The following PTPRN2 variants were observed in gnomAD, a reference collection of about 807,000 sequenced individuals.
The protein encoded by PTPRN2 is receptor-type tyrosine-protein phosphatase N2.
In PTPRN2, 74 loss-of-function variants were observed where a neutral mutation model predicts 118.8. The observed-to-expected ratio is 0.62, with a 90% CI of 0.52 to 0.76. The LOEUF is 0.76. PTPRN2 is among the 30% of genes least tolerant of loss of function. PTPRN2 has a pLI of 0.00. For synonymous variants in PTPRN2, 641 were observed against 608.0 expected, an observed-to-expected ratio of 1.05 and a Z score of -0.80; for missense variants, 1,481 against 1,394.4, an observed-to-expected ratio of 1.06 and a Z score of -0.99.
At chr7:158,256,763 T>C (rs1283952894) in intron 3 of PTPRN2, among the ~76,000 whole-genome samples, 1 of 152,162 alleles carries the variant, frequency 6.6e-6, no homozygotes, top group Non-Finnish European at 1.5e-5. Context: ...AGGAAGTTTA[T>C]GGAATGATTC....
At chr7:158,383,122 A>G (rs886973058) in intron 2 of PTPRN2, among the ~76,000 whole-genome samples, 2 of 152,152 alleles carry the variant, frequency 1.3e-5, no homozygotes, top group Non-Finnish European at 2.9e-5. Context: ...CTATTAACAC[A>G]TGAGGGGCCC....
chr7:157,805,757 C>T (rs1805591488), intron 12 of PTPRN2, among the ~76,000 whole-genome samples: 1 of 152,178 alleles, frequency 6.6e-6, no homozygotes, highest in African/African-American at 2.4e-5. Context: ...CAAAGCAGAA[C>T]AGAAGCAATT....
chr7:158,014,161 T>C (rs1313019115), intron 11 of PTPRN2, among the ~76,000 whole-genome samples: 1 of 141,360 alleles, frequency 7.1e-6, no homozygotes, highest in Non-Finnish European at 1.5e-5. Context: ...CCAACTCACC[T>C]ATTCATCCAT....
In PTPRN2 at chr7:157,690,922, G is replaced by A. The variant is rs1485117397; in HGVS notation, c.1789-7985C>T. On this transcript the variant is annotated intron_variant, in intron 12 of 22. Coordinates refer to ENST00000389418, the MANE Select transcript of PTPRN2 (RefSeq NM_002847.5). The surrounding 1 kb of genome is among the most constrained non-coding windows in gnomAD (Gnocchi z 7.1). Reference sequence around the variant, plus strand: ...CGCGGCGCGGGCGGGCTCAGGGCGGGCTCCGGACGGTCCCGGTAGGGCCGC... The same window carrying A: ...CGCGGCGCGGGCGGGCTCAGGGCGGACTCCGGACGGTCCCGGTAGGGCCGC... Among the ~76,000 whole-genome samples the A allele has an allele frequency of 1.4e-5, 2 of 145,768 alleles. No individual in the cohort carries two copies. The highest frequency in any genetic ancestry group is 3.0e-5 in the Non-Finnish European group (2 of 65,578).
At chr7:158,071,033 CTTAGTATGGAGGTGCT>C (rs1563388985) in intron 11 of PTPRN2, among the ~76,000 whole-genome samples, 12 of 47,454 alleles carry the variant, frequency 2.5e-4, no homozygotes, top group African/African-American at 1.3e-3. Context: ...TGGAGGTGCT[CTTAGTATGGAGGTGCT>C]CATGGTGGTG....
intron 22 of PTPRN2, among the ~76,000 whole-genome samples, chr7:157,545,119 T>G (rs576577317): frequency 4.6e-4 from 63 of 136,924 alleles, no homozygotes; most frequent in African/African-American, 1.6e-3. Context: ...TAGGTGTGTG[T>G]GGGGTGTATG....
intron 2 of PTPRN2, among the ~76,000 whole-genome samples, chr7:158,418,801 G>A (rs1026416161): frequency 4.6e-5 from 7 of 150,982 alleles, no homozygotes; most frequent in East Asian, 2.0e-4. Flanking sequence ...GTACTACATC[G>A]AGATGCTCCA....
At chr7:158,184,925 T>C (rs1253002612) in intron 5 of PTPRN2, among the ~76,000 whole-genome samples, 3 of 152,220 alleles carry the variant, frequency 2.0e-5, no homozygotes, top group Non-Finnish European at 4.4e-5. Context: ...CACCAGTTGA[T>C]GTAATCTTAG....
chr7:157,828,067 C>T (rs932263096), intron 12 of PTPRN2, among the ~76,000 whole-genome samples: 4 of 152,298 alleles, frequency 2.6e-5, no homozygotes, highest in East Asian at 1.9e-4. Flanking sequence ...AAGTACATTT[C>T]GTAAGTTCTG....
At chr7:158,568,111 G>A (rs1041499112) in intron 1 of PTPRN2, among the ~76,000 whole-genome samples, 11 of 152,064 alleles carry the variant, frequency 7.2e-5, no homozygotes, top group Non-Finnish European at 1.3e-4. Flanking sequence ...AAATTAGCTG[G>A]GTGTGGTGGT....
chr7:158,193,696 GC>G (rs1825963706), intron 4 of PTPRN2, among the ~76,000 whole-genome samples: 1 of 152,064 alleles, frequency 6.6e-6, no homozygotes, highest in Non-Finnish European at 1.5e-5. Context: ...CGCAGACTCT[GC>G]CGCTGGTCTC....
chr7:157,687,452 C>T (rs189924344), intron 12 of PTPRN2, among the ~76,000 whole-genome samples: 43 of 152,274 alleles, frequency 2.8e-4, no homozygotes, highest in African/African-American at 9.6e-4. Context: ...ATCATAAAGA[C>T]GTAGGGATAC....
chr7:158,430,591 A>G (rs946037667), intron 2 of PTPRN2, among the ~76,000 whole-genome samples: 17 of 152,212 alleles, frequency 1.1e-4, no homozygotes, highest in Admixed American at 8.5e-4. Flanking sequence ...CCTAATTGAC[A>G]GGGAACATTT....
In PTPRN2 at chr7:157,774,112, G is replaced by A. The variant is rs919002257; in HGVS notation, c.1789-91175C>T. Among the ~76,000 whole-genome samples, 4 of 152,224 alleles carry A rather than the reference G, an allele frequency of 2.6e-5. No individual in the cohort carries two copies. The South Asian group carries it at 8.3e-4, about 32-fold the overall frequency. On this transcript the variant is annotated intron_variant, in intron 12 of 22. Coordinates refer to ENST00000389418, the MANE Select transcript of PTPRN2 (RefSeq NM_002847.5). ...ACACGGACCTACTTACTAGGAGCTG[G>A]CTACGGATGGGGCTGTGAGCTCCCT...
At chr7:158,046,549 G>A (rs940542848) in intron 11 of PTPRN2, among the ~76,000 whole-genome samples, 7 of 152,216 alleles carry the variant, frequency 4.6e-5, no homozygotes, top group African/African-American at 1.7e-4. Context: ...TTCTCATGTG[G>A]CAGGTTCTCA....
intron 14 of PTPRN2, among the ~76,000 whole-genome samples, chr7:157,649,394 C>G: frequency 9.8e-6 from 1 of 101,882 alleles, no homozygotes; most frequent in South Asian, 4.2e-4. Flanking sequence ...ACCCATCCAG[C>G]GTGCACTGAA....
intron 2 of PTPRN2, among the ~76,000 whole-genome samples, chr7:158,477,114 G>A (rs532854831): frequency 2.6e-4 from 40 of 152,336 alleles, no homozygotes; most frequent in Middle Eastern, 3.4e-3. Context: ...CCAGTCACAC[G>A]GAGTGATGCG....
chr7:158,161,438 A>C (rs548731970), intron 6 of PTPRN2, among the ~76,000 whole-genome samples: 5 of 152,328 alleles, frequency 3.3e-5, no homozygotes, highest in Non-Finnish European at 7.3e-5. Context: ...GTCCACATAC[A>C]TGAGGTCAGC....
At chr7:157,679,817 C>T (rs917397) in intron 13 of PTPRN2, among the ~76,000 whole-genome samples, 63,994 of 151,972 alleles carry the variant, frequency 0.42, 14,592 homozygotes, top group Non-Finnish European at 0.52. Flanking sequence ...CCCCAGGTCA[C>T]GCGGGAAGTG....
Sources: allele counts gnomAD v4.1 joint callset (sites outside exome capture counted in the v4.1 genomes callset), GRCh38; gene constraint gnomAD v4.1.1; non-coding constraint Gnocchi (gnomAD v3.1); transcripts MANE v1.5; gene names NCBI Gene and HGNC (gene_info 2026-07-23, HGNC 2026-07-21).